SGTB: variants seen among roughly 807,000 people sequenced by gnomAD.
SGTB encodes small glutamine rich tetratricopeptide repeat co-chaperone beta, also known as small glutamine-rich tetratricopeptide repeat-containing protein beta.
In SGTB, 19 loss-of-function variants were observed where a neutral mutation model predicts 43.9. That is an observed-to-expected ratio of 0.43 (90% CI 0.30 to 0.63). SGTB has a LOEUF of 0.63. Ranked by LOEUF, SGTB falls within the 30% of genes least tolerant of loss-of-function variation. The pLI is 0.12. For missense variants in SGTB, 304 were observed against 358.9 expected, an observed-to-expected ratio of 0.85 and a Z score of 1.24; for synonymous variants, 116 against 117.3, an observed-to-expected ratio of 0.99 and a Z score of 0.07.
chr5:65,670,057 G>T lies in SGTB; in HGVS notation c.*189C>A. 1.9e-6 allele frequency: 1 copy of T among 515,470 alleles called. No individual in the cohort carries two copies. Among genetic ancestry groups the T allele is most frequent in the Admixed American group, 3.6e-5 (1 of 27,968 alleles). 31.9% of individuals were successfully genotyped at this position (515,470 alleles called of 1,614,324 possible). ...AGGAGTCATGTTATGTTTTGAGTTT[G>T]TTTGTGATAAACCTATTGTCTAAAC... On this transcript the variant is annotated 3_prime_UTR_variant, in exon 11 of 11. Coordinates refer to ENST00000381007, the MANE Select transcript of SGTB (RefSeq NM_019072.3).
At chr5:65,683,122 C>A (rs1455070772) in intron 6 of SGTB, among the ~76,000 whole-genome samples, 1 of 151,822 alleles carries the variant, frequency 6.6e-6, no homozygotes, top group East Asian at 1.9e-4. Context: ...AGGCACATTA[C>A]AGTCCTCTTG....
chr5:65,698,752 T>C (rs1561160811), intron 5 of SGTB, among the ~76,000 whole-genome samples: 3 of 152,234 alleles, frequency 2.0e-5, no homozygotes, highest in South Asian at 4.1e-4. Context: ...TCTCAAAGTA[T>C]ACAAATGGCC....
At chr5:65,693,786 TAAAC>T (rs1164137104) in intron 5 of SGTB, among the ~76,000 whole-genome samples, 1 of 151,994 alleles carries the variant, frequency 6.6e-6, no homozygotes, top group Non-Finnish European at 1.5e-5. Context: ...GATATGCAAA[TAAAC>T]AAATACTATA....
At chr5:65,705,102 T>A (rs1048782646) in intron 4 of SGTB, among the ~76,000 whole-genome samples, 1 of 152,210 alleles carries the variant, frequency 6.6e-6, no homozygotes, top group Non-Finnish European at 1.5e-5. Context: ...ATTTTTTGTA[T>A]ACCATTAAAT....
intron 5 of SGTB, among the ~76,000 whole-genome samples, chr5:65,695,926 C>G (rs1757706467): frequency 6.6e-6 from 1 of 152,076 alleles, no homozygotes; most frequent in East Asian, 1.9e-4. Flanking sequence ...CAGTAACTGC[C>G]CAAGGTCATG....
chr5:65,718,646 T>A (rs1758195462), intron 2 of SGTB, among the ~76,000 whole-genome samples: 1 of 152,170 alleles, frequency 6.6e-6, no homozygotes, highest in Non-Finnish European at 1.5e-5. Flanking sequence ...GAACTGAGGC[T>A]TCTTTCCTAG....
At chr5:65,685,898 G>A (rs1757488049) in intron 5 of SGTB, among the ~76,000 whole-genome samples, 1 of 152,172 alleles carries the variant, frequency 6.6e-6, no homozygotes, top group East Asian at 1.9e-4. Context: ...AAGTAAAAGT[G>A]ATATCCCAGT....
intron 3 of SGTB, among the ~76,000 whole-genome samples, chr5:65,710,863 G>T (rs1308797856): frequency 6.6e-6 from 1 of 152,094 alleles, no homozygotes; most frequent in Admixed American, 6.6e-5. Context: ...GGGTGTGGTG[G>T]CGGGTGCCTG....
At chr5:65,713,555 T>C (rs1579886796) in intron 2 of SGTB, among the ~76,000 whole-genome samples, 1 of 152,142 alleles carries the variant, frequency 6.6e-6, no homozygotes, top group East Asian at 1.9e-4. Context: ...TGGGCTCAAG[T>C]GATCCTCCTA....
intron 2 of SGTB, among the ~76,000 whole-genome samples, chr5:65,719,450 G>A (rs1193228864): frequency 2.6e-5 from 4 of 151,936 alleles, no homozygotes; most frequent in African/African-American, 7.3e-5. Flanking sequence ...AAACTTAGCC[G>A]GGTGTGGTAG....
At chr5:65,687,811 C>T (rs1757528638) in intron 5 of SGTB, among the ~76,000 whole-genome samples, 1 of 152,144 alleles carries the variant, frequency 6.6e-6, no homozygotes, top group Non-Finnish European at 1.5e-5. Context: ...CTTTGTCGCC[C>T]AGGCTGGACT....
Position 65,701,884 on chromosome 5 carries a change from C to T in SGTB, c.374+2395G>A, listed in dbSNP as rs150810822. ...TCCTGACCTCGTGATCCGCCCGCGT[C>T]GGCGTCCCAAAGTGCTGGGATTACA... On this transcript the variant is annotated intron_variant, in intron 5 of 10. Transcript: ENST00000381007. Among the ~76,000 whole-genome samples the T allele has an allele frequency of 1.0e-2, 1,518 of 152,300 alleles. 23 individuals are homozygous for T. Among genetic ancestry groups the T allele is most frequent in the African/African-American group, 0.03 (1,229 of 41,564 alleles).
At chr5:65,681,308 A>G (rs532716328) in intron 6 of SGTB, among the ~76,000 whole-genome samples, 22 of 152,314 alleles carry the variant, frequency 1.4e-4, no homozygotes, top group Middle Eastern at 3.4e-3. Context: ...TGATCAAAAG[A>G]GGTAGATAAA....
Position 65,670,044 on chromosome 5 carries a change from A to G in SGTB, c.*202T>C. 2.0e-6 allele frequency: 1 copy of G among 504,440 alleles called. No homozygotes were observed. Among genetic ancestry groups the G allele is most frequent in the Non-Finnish European group, 3.5e-6 (1 of 285,814 alleles). 31.2% of individuals were successfully genotyped at this position (504,440 alleles called of 1,614,324 possible). A position where few individuals can be genotyped will look rare whatever the true frequency, so the allele number is the denominator to read the frequency against. The stretch of plus-strand genomic sequence containing the variant: ...TGATCATTTCAAAAGGAGTCATGTT[A>G]TGTTTTGAGTTTGTTTGTGATAAAC... On this transcript the variant is annotated 3_prime_UTR_variant, in exon 11 of 11. Coordinates refer to ENST00000381007, the MANE Select transcript of SGTB (RefSeq NM_019072.3).
At chr5:65,692,930 G>A (rs552047844) in intron 5 of SGTB, among the ~76,000 whole-genome samples, 8 of 152,260 alleles carry the variant, frequency 5.3e-5, no homozygotes, top group African/African-American at 1.7e-4. Context: ...GAGAGGCCAG[G>A]TGCGGTGGCT....
intron 5 of SGTB, among the ~76,000 whole-genome samples, chr5:65,689,653 G>A (rs1757568567): frequency 6.6e-6 from 1 of 152,074 alleles, no homozygotes; most frequent in South Asian, 2.1e-4. Flanking sequence ...GAGGGCCAGT[G>A]AATGCACACT....
rs184778012 is a variant in SGTB at position 65,670,311 on chromosome 5, T to C, written c.850A>G (p.Ile284Val). The C allele has an allele frequency of 1.2e-6, 2 of 1,614,198 alleles. No individual in the cohort carries two copies. The highest frequency in any genetic ancestry group is 1.7e-5 in the Admixed American group (1 of 60,018). The part of the protein sequence containing the change: ...QQIQQQNPEL[I>V]EQLRNHIRSR... ...CGGATGTGATTTCTCAGTTGCTCTA[T>C]AAGTTCAGGATTTTGTTGCTGTATC... Residue 284 changes from isoleucine (I) to valine (V), a missense_variant, in exon 11 of 11, where the codon ATA (isoleucine) becomes GTA (valine). Physicochemically the swap from Ile to Val is conservative, Grantham distance 29 (BLOSUM62 3). Transcript: ENST00000381007.
At chr5:65,694,022 T>G (rs1331747252) in intron 5 of SGTB, among the ~76,000 whole-genome samples, 1 of 152,214 alleles carries the variant, frequency 6.6e-6, no homozygotes, top group Non-Finnish European at 1.5e-5. Flanking sequence ...TACATTTTAA[T>G]TAATTTATAT....
At chr5:65,720,081 C>CTTTTTTTTTTTTT (rs11312137) in intron 2 of SGTB, among the ~76,000 whole-genome samples, 2 of 124,972 alleles carry the variant, frequency 1.6e-5, no homozygotes, top group African/African-American at 3.0e-5. Flanking sequence ...TTTTCTTTTT[C>CTTTTTTTTTTTTT]TTTTTTTTTT....
Sources: allele counts gnomAD v4.1 joint callset (sites outside exome capture counted in the v4.1 genomes callset), GRCh38; gene constraint gnomAD v4.1.1; transcripts MANE v1.5; gene names NCBI Gene and HGNC (gene_info 2026-07-23, HGNC 2026-07-21).